LANCL2: variants seen among roughly 807,000 people sequenced by gnomAD.
LANCL2 encodes the protein lanC-like protein 2.
In LANCL2, 33 loss-of-function variants were observed where a neutral mutation model predicts 56.9. The observed-to-expected ratio is 0.58, with a 90% CI of 0.44 to 0.78. The LOEUF is 0.78. Among genes scored for constraint, LANCL2 ranks in the 30% least tolerant of loss-of-function variants. LANCL2 has a pLI of 0.00. For synonymous variants in LANCL2, 233 were observed against 228.2 expected (o/e 1.02, Z -0.19); for missense variants, 562 against 580.2 (o/e 0.97, Z 0.32).
rs1790574487 is a variant in LANCL2, at chr7:55,418,805, C to T, written c.1009-6449C>T. 4.6e-5 allele frequency among the ~76,000 whole-genome samples: 7 copies of T among 152,070 alleles called. 1 individual carries two copies. In the South Asian group the frequency reaches 1.5e-3, roughly 32 times the overall value. On this transcript the variant is annotated intron_variant, in intron 6 of 8. Transcript: ENST00000254770. ...GCTTTTATCAGATTGAAGAAGTTTCCTTTTATTACTGGTTATCATGAAGGG... is the reference window on the plus strand; with the variant it reads ...GCTTTTATCAGATTGAAGAAGTTTCTTTTTATTACTGGTTATCATGAAGGG...
In LANCL2 at chr7:55,409,174, T is replaced by C. The variant is rs925174869; in HGVS notation, c.826-2733T>C. Among the ~76,000 whole-genome samples, 449 of 150,718 alleles carry C rather than the reference T, an allele frequency of 3.0e-3. 5 individuals are homozygous for C. Among genetic ancestry groups the C allele is most frequent in the African/African-American group, 0.01 (420 of 41,202 alleles). On this transcript the variant is annotated intron_variant, in intron 5 of 8. Transcript: ENST00000254770. The stretch of plus-strand genomic sequence containing the variant: ...CGCGAACTCGGCTCACTGCAAGCTC[T>C]GCCTCCCGGGTTCATGCCATTCTCC...
intron 5 of LANCL2, among the ~76,000 whole-genome samples, chr7:55,407,408 TAA>T (rs1019690206): frequency 6.6e-6 from 1 of 152,168 alleles, no homozygotes; most frequent in Non-Finnish European, 1.5e-5. Flanking sequence ...GTAGCTCAGA[TAA>T]AAGTTTCATA....
chr7:55,410,153 C>G (rs1445569118), intron 5 of LANCL2, among the ~76,000 whole-genome samples: 1 of 152,224 alleles, frequency 6.6e-6, no homozygotes, highest in Non-Finnish European at 1.5e-5. Flanking sequence ...CAAAAAGGAA[C>G]TCAGTTGTGT....
At chr7:55,427,516 C>A (rs1790677332) in intron 7 of LANCL2, among the ~76,000 whole-genome samples, 1 of 152,160 alleles carries the variant, frequency 6.6e-6, no homozygotes. Context: ...CATTTAGAAA[C>A]ACCTATGATG....
intron 1 of LANCL2, among the ~76,000 whole-genome samples, chr7:55,388,884 C>T (rs1055332936): frequency 5.3e-5 from 8 of 152,188 alleles, no homozygotes; most frequent in Admixed American, 6.5e-5. Flanking sequence ...GGGCTTTTCC[C>T]GTTTATCTCA....
rs776796129 is a variant in LANCL2 at position 55,365,983 on chromosome 7, G to A, written c.-43G>A. The A allele has an allele frequency of 2.0e-5, 27 of 1,371,426 alleles. No homozygotes were observed. Among genetic ancestry groups the A allele is most frequent in the Non-Finnish European group, 2.6e-5 (27 of 1,048,212 alleles). The allele number at this position is 1,371,426 out of a possible 1,614,324, so 85.0% of individuals were successfully genotyped here. ...GCGGCGGGGCGAGCTGCAGCGCCGG[G>A]ACAGGAGGTTTGTCCCCGCCCGCGC... On this transcript the variant is annotated 5_prime_UTR_variant, in exon 1 of 9. Transcript: ENST00000254770.
intron 1 of LANCL2, among the ~76,000 whole-genome samples, chr7:55,386,962 C>T (rs760251170): frequency 1.3e-5 from 2 of 152,112 alleles, no homozygotes; most frequent in Middle Eastern, 3.2e-3. Flanking sequence ...AGGTAGCAGG[C>T]ATTACTGGGG....
chr7:55,411,687 C>G (rs571554481), intron 5 of LANCL2, among the ~76,000 whole-genome samples: 2 of 152,280 alleles, frequency 1.3e-5, no homozygotes, highest in Admixed American at 1.3e-4. Flanking sequence ...GAGTGTAGTC[C>G]TAATCCACCA....
intron 1 of LANCL2, among the ~76,000 whole-genome samples, chr7:55,382,129 A>G (rs1790075982): frequency 6.6e-6 from 1 of 152,222 alleles, no homozygotes; most frequent in African/African-American, 2.4e-5. Context: ...TAAAAGACAC[A>G]TTTTCAAAAG....
chr7:55,415,629 T>TTTTTTTTTTTTTTTTTTTTTTTAAAAA, intron 6 of LANCL2, among the ~76,000 whole-genome samples: 1 of 148,382 alleles, frequency 6.7e-6, no homozygotes, highest in African/African-American at 2.5e-5. Flanking sequence ...TTCTTTTTTT[T>TTTTTTTTTTTTTTTTTTTTTTTAAAAA]GAGACACAGT....
chr7:55,429,229 T>C (rs1350368547), intron 8 of LANCL2, among the ~76,000 whole-genome samples: 1 of 152,194 alleles, frequency 6.6e-6, no homozygotes, highest in Non-Finnish European at 1.5e-5. Flanking sequence ...GGACAGACTG[T>C]GTTAATTGGT....
chr7:55,377,389 T>G (rs1357154843), intron 1 of LANCL2, among the ~76,000 whole-genome samples: 4 of 152,224 alleles, frequency 2.6e-5, no homozygotes, highest in Non-Finnish European at 5.9e-5. Context: ...TGGTGTAATT[T>G]GTATGCTTCA....
intron 1 of LANCL2, among the ~76,000 whole-genome samples, chr7:55,372,026 T>C (rs1011651739): frequency 1.3e-5 from 2 of 152,154 alleles, no homozygotes; most frequent in Admixed American, 1.3e-4. Context: ...GAAATGCAGA[T>C]CCCACTCCAA....
intron 1 of LANCL2, among the ~76,000 whole-genome samples, chr7:55,381,036 TA>T (rs1171150232): frequency 6.6e-6 from 1 of 152,084 alleles, no homozygotes; most frequent in African/African-American, 2.4e-5. Flanking sequence ...CACGCCTGGC[TA>T]ATTTTGTGTT....
intron 1 of LANCL2, among the ~76,000 whole-genome samples, chr7:55,371,978 GTGGAC>G (rs928881685): frequency 1.3e-5 from 2 of 152,084 alleles, no homozygotes; most frequent in African/African-American, 4.8e-5. Context: ...AGTGAGGTTT[GTGGAC>G]CTAAATCATA....
At chr7:55,404,198 G>C (rs1790377906) in intron 5 of LANCL2, among the ~76,000 whole-genome samples, 2 of 152,136 alleles carry the variant, frequency 1.3e-5, no homozygotes, top group African/African-American at 4.8e-5. Context: ...TGTGGCCTAA[G>C]TTCTCTTCCC....
intron 1 of LANCL2, among the ~76,000 whole-genome samples, chr7:55,370,908 T>G (rs1789937015): frequency 6.6e-6 from 1 of 152,220 alleles, no homozygotes; most frequent in Admixed American, 6.5e-5. Flanking sequence ...AAATTTAAAA[T>G]TGTATATTTA....
rs775084044 is a variant in LANCL2, at chr7:55,391,923, G to A, written c.322+13G>A. 58 of 1,329,610 alleles carry A rather than the reference G, an allele frequency of 4.4e-5. No homozygotes were observed. In the South Asian group the frequency reaches 6.5e-4, roughly 15 times the overall value. 82.4% of individuals were successfully genotyped at this position (1,329,610 alleles called of 1,614,324 possible). A position where few individuals can be genotyped will look rare whatever the true frequency, so the allele number is the denominator to read the frequency against. ...ACTGGCTGGACAGGTGAGGCTGTGG[G>A]GTCTAAATCACTGATACATTTTATT... On this transcript the variant is annotated intron_variant, in intron 2 of 8. Coordinates refer to ENST00000254770, the MANE Select transcript of LANCL2 (RefSeq NM_018697.4).
At position 55,429,904 on chromosome 7, in the gene LANCL2, C is replaced by T. The variant is rs563917565; in HGVS notation, c.1259-1322C>T. On this transcript the variant is annotated intron_variant, in intron 8 of 8. Transcript: ENST00000254770. ...CTCTCACCAAATTCCCGTCAGGGGA[C>T]GGAGGGATTATTAAGCCGTGTGCCT... Among the ~76,000 whole-genome samples, 7 of 152,350 alleles carry T rather than the reference C, an allele frequency of 4.6e-5. No individual in the cohort carries two copies. In the East Asian group the frequency reaches 5.8e-4, roughly 13 times the overall value.
Sources: allele counts gnomAD v4.1 joint callset (sites outside exome capture counted in the v4.1 genomes callset), GRCh38; gene constraint gnomAD v4.1.1; transcripts MANE v1.5; gene names NCBI Gene and HGNC (gene_info 2026-07-23, HGNC 2026-07-21).